ATP8B1: variants seen among roughly 807,000 people sequenced by gnomAD.
ATP8B1 encodes the protein ATPase phospholipid transporting 8B1.
A neutral mutation model predicts 149.9 loss-of-function variants in ATP8B1; 80 were observed. That is an observed-to-expected ratio of 0.53 (90% confidence interval 0.45 to 0.64). The LOEUF is 0.64. Among genes scored for constraint, ATP8B1 ranks in the 30% least tolerant of loss-of-function variants. The pLI is 0.00. For missense variants in ATP8B1, 1,247 were observed against 1,552.6 expected, an observed-to-expected ratio of 0.80 and a Z score of 3.31; for synonymous variants, 536 against 562.8, an observed-to-expected ratio of 0.95 and a Z score of 0.67.
At chr18:57,800,381 A>C (rs2080562624) in intron 1 of ATP8B1, among the ~76,000 whole-genome samples, 1 of 152,156 alleles carries the variant, frequency 6.6e-6, no homozygotes, top group South Asian at 2.1e-4. Context: ...TGGTACCTAA[A>C]AAGCAAGTTC....
chr18:57,773,339 G>A (rs940225592), intron 1 of ATP8B1, among the ~76,000 whole-genome samples: 10 of 152,118 alleles, frequency 6.6e-5, no homozygotes, highest in South Asian at 4.1e-4. Context: ...AAAGGCGGAG[G>A]CTAATAAGGT....
chr18:57,652,038 A>G lies in ATP8B1; in HGVS notation c.3396T>C (p.Phe1132=), dbSNP rs1443358048. The part of the protein sequence containing the change: ...IHVLFPSAFQ[F]TGTASNALRQ... The stretch of plus-strand genomic sequence containing the variant: ...TTGGAATTTGGAAATACCAACCTGT[A>G]AATTGAAATGCAGATGGAAAGAGAA... The change falls in exon 26 of 28, where the codon TTT becomes TTC. Residue 1132 remains phenylalanine, a synonymous_variant. Transcript: ENST00000648908. The G allele has an allele frequency of 6.2e-7, 1 of 1,613,422 alleles. No individual in the cohort carries two copies. The highest frequency in any genetic ancestry group is 8.5e-7 in the Non-Finnish European group (1 of 1,179,848).
At chr18:57,719,701 C>G (rs911507896) in intron 2 of ATP8B1, among the ~76,000 whole-genome samples, 1 of 152,298 alleles carries the variant, frequency 6.6e-6, no homozygotes, top group Non-Finnish European at 1.5e-5. Flanking sequence ...CCGCCATTGC[C>G]CAGGCTTGCT....
At chr18:57,713,072 C>G (rs1437551341) in intron 2 of ATP8B1, among the ~76,000 whole-genome samples, 1 of 151,996 alleles carries the variant, frequency 6.6e-6, no homozygotes, top group African/African-American at 2.4e-5. Context: ...ACATTCCCAG[C>G]TGTGGTGGCC....
chr18:57,731,949 T>G (rs751216412), intron 1 of ATP8B1, 117 bp from the exon 2 acceptor site: 8 of 970,288 alleles, frequency 8.2e-6, no homozygotes, highest in African/African-American at 1.6e-5. Context: ...ATGTAAATAT[T>G]CTGGAATAGT....
At chr18:57,701,158 C>A (rs377473859) in intron 5 of ATP8B1, 57 bp downstream of exon 5, 6 of 1,611,636 alleles carry the variant, frequency 3.7e-6, no homozygotes, top group Non-Finnish European at 4.2e-6. Flanking sequence ...AAGGAAGGCA[C>A]GAGAACTTAA....
chr18:57,799,470 G>A (rs1296338536), intron 1 of ATP8B1, among the ~76,000 whole-genome samples: 1 of 152,102 alleles, frequency 6.6e-6, no homozygotes, highest in Non-Finnish European at 1.5e-5. Flanking sequence ...CAGCACTTTG[G>A]GAGGCCACTT....
intron 4 of ATP8B1, among the ~76,000 whole-genome samples, chr18:57,701,700 C>CTT (rs1332049355): frequency 2.8e-5 from 4 of 144,062 alleles, no homozygotes; most frequent in Non-Finnish European, 4.6e-5. Flanking sequence ...CTTTTTTTTT[C>CTT]TTTTTTTTTT....
intron 2 of ATP8B1, among the ~76,000 whole-genome samples, chr18:57,719,580 T>C (rs1284093641): frequency 6.6e-6 from 1 of 152,164 alleles, no homozygotes; most frequent in African/African-American, 2.4e-5. Context: ...ACCTAGAGAC[T>C]ATATCCCACA....
rs1568044002 is a variant in ATP8B1 at position 57,732,159 on chromosome 18, A to ATGTG, written c.-25-328_-25-327insCACA. 21 of 127,230 alleles carry ATGTG rather than the reference A, an allele frequency of 1.7e-4. 2 individuals carry two copies. Among genetic ancestry groups the ATGTG allele is most frequent in the African/African-American group, 6.3e-4 (20 of 31,992 alleles). 7.9% of individuals were successfully genotyped at this position (127,230 alleles called of 1,614,324 possible). ...TGTATATATGTGTATATATGTATAT[A>ATGTG]TATGTATATATGTATATATGTGTAT... On this transcript the variant is annotated intron_variant, in intron 1 of 27. Transcript: ENST00000648908.
intron 18 of ATP8B1, 45 bp downstream of exon 18, chr18:57,669,273 T>A (rs1385442781): frequency 1.3e-6 from 2 of 1,538,306 alleles, no homozygotes; most frequent in Non-Finnish European, 8.8e-7. Context: ...AAATTTCAAT[T>A]CTGCTTAGAA....
At position 57,671,980 on chromosome 18, in the gene ATP8B1, T is replaced by C. The variant is rs1472871182; in HGVS notation, c.1820-400A>G. On this transcript the variant is annotated intron_variant, in intron 16 of 27. Transcript: ENST00000648908. ...AAAGTTAATTTGAAATGTTACTATC[T>C]CATAATTCACTGTTAGCTTAAAACC... Among the ~76,000 whole-genome samples, 3 of 152,338 alleles carry C rather than the reference T, an allele frequency of 2.0e-5. No individual in the cohort carries two copies. In the East Asian group the frequency reaches 5.8e-4, roughly 29 times the overall value.
chr18:57,766,931 T>C lies in ATP8B1; in HGVS notation c.-25-35099A>G, dbSNP rs549478396. On this transcript the variant is annotated intron_variant, in intron 1 of 27. Coordinates refer to ENST00000648908, the MANE Select transcript of ATP8B1 (RefSeq NM_001374385.1). ...ACAGGACATGTAGGAGTCAGACAGG[T>C]GCATGAAAGGGACAGAGCATTTCAG... is the stretch of plus-strand genomic sequence containing the variant. Among the ~76,000 whole-genome samples the C allele has an allele frequency of 1.3e-4, 20 of 152,170 alleles. 1 individual carries two copies. The East Asian group carries it at 3.7e-3, about 28-fold the overall frequency.
At chr18:57,717,831 G>T (rs952918762) in intron 2 of ATP8B1, among the ~76,000 whole-genome samples, 1 of 151,098 alleles carries the variant, frequency 6.6e-6, no homozygotes, top group Admixed American at 6.6e-5. Flanking sequence ...CGCCTCCCAG[G>T]TTCAAGCAAT....
intron 1 of ATP8B1, among the ~76,000 whole-genome samples, chr18:57,746,099 G>T (rs2079961422): frequency 6.6e-6 from 1 of 152,204 alleles, no homozygotes; most frequent in Non-Finnish European, 1.5e-5. Context: ...TATAACTGCA[G>T]CTTTGTAAAT....
At chr18:57,685,418 C>T (rs1020970519) in intron 13 of ATP8B1, among the ~76,000 whole-genome samples, 2 of 152,136 alleles carry the variant, frequency 1.3e-5, no homozygotes, top group African/African-American at 4.8e-5. Context: ...CCCCTCAGTG[C>T]CCTACCATCT....
In ATP8B1 at chr18:57,652,384, C is replaced by T. The variant is rs1382728253; in HGVS notation, c.3261+100G>A. 4 of 1,535,138 alleles carry T rather than the reference C, an allele frequency of 2.6e-6. No individual in the cohort carries two copies. The East Asian group carries it at 6.8e-5, about 26-fold the overall frequency. On this transcript the variant is annotated intron_variant, in intron 25 of 27. Coordinates refer to ENST00000648908, the MANE Select transcript of ATP8B1 (RefSeq NM_001374385.1). Reference sequence around the variant, plus strand: ...TAGCATTTATATTTTGTAAGTGGCACAGGTGCAGTGGGAGTCAGGTGGATG... The same window carrying T: ...TAGCATTTATATTTTGTAAGTGGCATAGGTGCAGTGGGAGTCAGGTGGATG...
intron 19 of ATP8B1, chr18:57,667,438 G>A: frequency 2.3e-6 from 1 of 444,078 alleles, no homozygotes; most frequent in East Asian, 4.4e-5. Flanking sequence ...ATGTTTGCCA[G>A]GCTCATTCTT....
intron 2 of ATP8B1, among the ~76,000 whole-genome samples, chr18:57,725,339 C>A: frequency 6.6e-6 from 1 of 151,982 alleles, no homozygotes; most frequent in South Asian, 2.1e-4. Context: ...TAAAAGATCT[C>A]TGCAATCAAA....
Sources: gnomAD v4.1 joint callset for allele counts (sites outside exome capture counted in the v4.1 genomes callset) on GRCh38, gnomAD v4.1.1 for gene constraint, MANE v1.5 for transcripts, NCBI Gene and HGNC (gene_info 2026-07-23, HGNC 2026-07-21) for gene names.